Variants in PRRT1 observed in about 807,000 individuals in gnomAD.
PRRT1 encodes proline rich transmembrane protein 1.
PRRT1 carries 8 observed loss-of-function variants against 22.6 expected under a neutral mutation model. The observed-to-expected ratio is 0.35, with a 90% CI of 0.21 to 0.64. The LOEUF is 0.64. Among genes scored for constraint, PRRT1 ranks in the 30% least tolerant of loss-of-function variants. The pLI is 0.69. For missense variants in PRRT1, 315 were observed against 444.5 expected, an observed-to-expected ratio of 0.71 and a Z score of 2.62; for synonymous variants, 176 against 203.6, an observed-to-expected ratio of 0.86 and a Z score of 1.15.
At chr6:32,151,293 G>C in intron 1 of PRRT1, 1 of 483,438 alleles carries the variant, frequency 2.1e-6, no homozygotes, top group Non-Finnish European at 3.8e-6. Flanking sequence ...GTTAATATGT[G>C]CTCAATTCAA....
upstream of PRRT1, chr6:32,151,964 CGG>C: frequency 1.9e-5 from 2 of 107,896 alleles, no homozygotes; most frequent in Non-Finnish European, 1.7e-5. Context: ...GGGGGGGGGG[CGG>C]GGGGGGCGGG....
chr6:32,151,926 A>G lies in PRRT1; in HGVS notation c.-99T>C. On this transcript the variant is annotated 5_prime_UTR_variant, in exon 1 of 4. Transcript: ENST00000211413. Reference sequence around the variant, plus strand: ...TGGATGGCGCAGCCGGCAGCAGCGCAGAGATGGAGAGATGAAGGCAGCGGC... The same window carrying G: ...TGGATGGCGCAGCCGGCAGCAGCGCGGAGATGGAGAGATGAAGGCAGCGGC... The G allele has an allele frequency of 3.7e-6, 2 of 535,244 alleles. No homozygotes were observed. The highest frequency in any genetic ancestry group is 1.4e-5 in the South Asian group (1 of 69,694). 33.2% of individuals were successfully genotyped at this position (535,244 alleles called of 1,614,324 possible).
rs1377856904 is a variant in PRRT1 at position 32,151,194 on chromosome 6, C to CTA, written c.20-290_20-289dup. ...ATGCACCCAGCTCTCACCTGCAGACCTAATCCCCTCTCCTTTGCTATAGCT... is the reference window on the plus strand; with the variant it reads ...ATGCACCCAGCTCTCACCTGCAGACCTATAATCCCCTCTCCTTTGCTATAGCT... On this transcript the variant is annotated intron_variant, in intron 1 of 3. Transcript: ENST00000211413. The CTA allele has an allele frequency of 1.7e-5, 11 of 659,558 alleles. No individual in the cohort carries two copies. In the African/African-American group the frequency reaches 2.0e-4, roughly 12 times the overall value. The allele number at this position is 659,558 out of a possible 1,614,324, so 40.9% of individuals were successfully genotyped here.
upstream of PRRT1, chr6:32,151,983 G>GGGGGGGGGGGGGGGGGGGGGGGT: frequency 4.3e-6 from 1 of 234,270 alleles, no homozygotes; most frequent in Non-Finnish European, 8.6e-6. Context: ...CGGGCGGAGG[G>GGGGGGGGGGGGGGGGGGGGGGGT]AGAGCGGGGA....
upstream of PRRT1, chr6:32,152,698 G>A (rs1461337777): frequency 1.9e-5 from 3 of 156,660 alleles, no homozygotes; most frequent in Non-Finnish European, 4.2e-5. Flanking sequence ...AGGCTGCTTA[G>A]AGTCTCTGGG....
Position 32,150,549 on chromosome 6 carries a change from G to A in PRRT1, c.377C>T (p.Pro126Leu). 1 of 1,363,500 alleles carries A rather than the reference G, an allele frequency of 7.3e-7. No homozygotes were observed. Among genetic ancestry groups the A allele is most frequent in the Non-Finnish European group, 9.4e-7 (1 of 1,061,078 alleles). 84.5% of individuals were successfully genotyped at this position (1,363,500 alleles called of 1,614,324 possible). A position where few individuals can be genotyped will look rare whatever the true frequency, so the allele number is the denominator to read the frequency against. ...CGGGGGCGGGGCGGCGGCAGCGGGC[G>A]GCGGCGGGGGAAGTGGGCCCTCGAA... Reference protein sequence around the residue: ...TRFEGPLPPPPPAAAAPPPPA... With the variant: ...TRFEGPLPPPLPAAAAPPPPA... Residue 126 changes from proline (P) to leucine (L), a missense_variant, in exon 2 of 4, where the codon CCG becomes CTG. This residue lies in a region of PRRT1 where 263 missense variants were observed against 328.5 expected (regional missense o/e 0.80). Coordinates refer to ENST00000211413, the MANE Select transcript of PRRT1 (RefSeq NM_030651.4). The surrounding 1 kb of genome is among the most constrained non-coding windows in gnomAD (Gnocchi z 7.2).
Position 32,149,106 on chromosome 6 carries a change from C to G in PRRT1, c.*116G>C. 1 of 1,102,170 alleles carries G rather than the reference C, an allele frequency of 9.1e-7. No homozygotes were observed. Among genetic ancestry groups the G allele is most frequent in the Non-Finnish European group, 1.4e-6 (1 of 734,082 alleles). 68.3% of individuals were successfully genotyped at this position (1,102,170 alleles called of 1,614,324 possible). A position where few individuals can be genotyped will look rare whatever the true frequency, so the allele number is the denominator to read the frequency against. On this transcript the variant is annotated 3_prime_UTR_variant, in exon 4 of 4. Transcript: ENST00000211413. The surrounding 1 kb of genome is among the most constrained non-coding windows in gnomAD (Gnocchi z 8.7). Reference sequence around the variant, plus strand: ...CGTGGAGGCGGAGTTTACGATGTATCCAAGTCTGACGGCCCCAGAAACGGG... The same window carrying G: ...CGTGGAGGCGGAGTTTACGATGTATGCAAGTCTGACGGCCCCAGAAACGGG...
At position 32,150,961 on chromosome 6, in the gene PRRT1, T is replaced by G. The variant is rs1783236259; in HGVS notation, c.20-55A>C. 7.1e-7 allele frequency: 1 copy of G among 1,412,084 alleles called. No homozygotes were observed. The highest frequency in any genetic ancestry group is 1.2e-5 in the South Asian group (1 of 82,070). The allele number at this position is 1,412,084 out of a possible 1,614,324, so 87.5% of individuals were successfully genotyped here. A position where few individuals can be genotyped will look rare whatever the true frequency, so the allele number is the denominator to read the frequency against. On this transcript the variant is annotated intron_variant, in intron 1 of 3. Coordinates refer to ENST00000211413, the MANE Select transcript of PRRT1 (RefSeq NM_030651.4). This position sits in a 1 kb window ranked among gnomAD's most constrained non-coding sequence, Gnocchi z 7.2. ...GAGGAAAGATGACACAGTGATGAGT[T>G]GAGGAGGGGGTAAGGGGAAACACAG...
In PRRT1 at chr6:32,149,992, C is replaced by T. The variant is rs148478759; in HGVS notation, c.559-270G>A. 1,028 of 523,032 alleles carry T rather than the reference C, an allele frequency of 2.0e-3. 1 individual carries two copies. The highest frequency in any genetic ancestry group is 3.6e-3 in the Admixed American group (97 of 26,786). The allele number at this position is 523,032 out of a possible 1,614,324, so 32.4% of individuals were successfully genotyped here. A position where few individuals can be genotyped will look rare whatever the true frequency, so the allele number is the denominator to read the frequency against. On this transcript the variant is annotated intron_variant, in intron 2 of 3. Coordinates refer to ENST00000211413, the MANE Select transcript of PRRT1 (RefSeq NM_030651.4). This position sits in a 1 kb window ranked among gnomAD's most constrained non-coding sequence, Gnocchi z 8.7. ...GGGGCTGTCCTGGCCTCAGGTCAGA[C>T]CTTCTTTCTTCCCTCCAGACACCTA...
chr6:32,151,962 GGC>G (rs1554125390), upstream of PRRT1: 4 of 299,832 alleles, frequency 1.3e-5, no homozygotes, highest in African/African-American at 3.3e-5. Context: ...GGGGGGGGGG[GGC>G]GGGGGGGGCG....
rs1031769073 is a variant in PRRT1, at chr6:32,149,234, G to A, written c.909C>T (p.Tyr303=). 3.1e-6 allele frequency: 5 copies of A among 1,611,794 alleles called. No individual in the cohort carries two copies. The highest frequency in any genetic ancestry group is 4.2e-6 in the Non-Finnish European group (5 of 1,179,814). The stretch of plus-strand genomic sequence containing the variant: ...ACCAGGGGCGTTTTTAGGGATCCCA[G>A]TAGTTCTCGTGGTGCTGCGCGGCGA... ...IIIAAQHHEN[Y]WDP Residue 303 remains tyrosine (Y), a synonymous_variant, in exon 4 of 4, where the codon TAC becomes TAT. Coordinates refer to ENST00000211413, the MANE Select transcript of PRRT1 (RefSeq NM_030651.4). The surrounding 1 kb of genome is among the most constrained non-coding windows in gnomAD (Gnocchi z 8.7).
chr6:32,152,618 A>C (rs886899293), upstream of PRRT1, among the ~76,000 whole-genome samples: 5 of 151,988 alleles, frequency 3.3e-5, no homozygotes, highest in African/African-American at 1.2e-4. Context: ...AGGGGGTATG[A>C]CTTAACTGCT....
upstream of PRRT1, chr6:32,151,953 G>GA (rs1318432361): frequency 1.3e-4 from 23 of 183,462 alleles, 1 homozygote; most frequent in South Asian, 8.6e-4. Flanking sequence ...GGCAGCGGCG[G>GA]GGGGGGGGGG....
At position 32,150,120 on chromosome 6, in the gene PRRT1, ACCT is replaced by A. The variant is rs1783176342; in HGVS notation, c.558+245_558+247del. Among the ~76,000 whole-genome samples the A allele has an allele frequency of 1.3e-5, 2 of 148,214 alleles. No homozygotes were observed. Among genetic ancestry groups the A allele is most frequent in the Admixed American group, 1.3e-4 (2 of 14,926 alleles). On this transcript the variant is annotated intron_variant, in intron 2 of 3. Transcript: ENST00000211413. The surrounding 1 kb of genome is among the most constrained non-coding windows in gnomAD (Gnocchi z 7.2). ...CCGCCAGGCGGTTTCCTACTTTCAG[ACCT>A]CCTCTGAACCTCTAGGCTCCGATCC...
At position 32,148,536 on chromosome 6, in the gene PRRT1, A is replaced by G. The variant is rs55780254; in HGVS notation, c.*686T>C. The G allele has an allele frequency of 3.0e-6, 1 of 330,204 alleles. No individual in the cohort carries two copies. The highest frequency in any genetic ancestry group is 6.0e-6 in the Non-Finnish European group (1 of 165,326). 20.5% of individuals were successfully genotyped at this position (330,204 alleles called of 1,614,324 possible). A position where few individuals can be genotyped will look rare whatever the true frequency, so the allele number is the denominator to read the frequency against. The stretch of plus-strand genomic sequence containing the variant: ...GGGATGGGTGGAAGGGAGTATTTAC[A>G]GAGCGTTTACAGGCAGGTTTCTTAT... On this transcript the variant is annotated 3_prime_UTR_variant, in exon 4 of 4. Transcript: ENST00000211413. The surrounding 1 kb of genome is among the most constrained non-coding windows in gnomAD (Gnocchi z 5.7).
At chr6:32,152,716 A>G (rs1783410180), upstream of PRRT1, 1 of 154,148 alleles carries the variant, frequency 6.5e-6, no homozygotes, top group Non-Finnish European at 1.4e-5. Flanking sequence ...GGGCTGGTCA[A>G]TGTTCAGATC....
In PRRT1 at chr6:32,151,246, G is replaced by C. The variant is rs115921266; in HGVS notation, c.20-340C>G. 715 of 578,670 alleles carry C rather than the reference G, an allele frequency of 1.2e-3. 3 individuals are homozygous for C. The highest frequency in any genetic ancestry group is 0.012 in the African/African-American group (653 of 53,360). The allele number at this position is 578,670 out of a possible 1,614,324, so 35.8% of individuals were successfully genotyped here. ...CCTTTGGGCTGGCCTATCCGAGCTA[G>C]TCCTGTGTGTGCGTATGCGTAGACA... On this transcript the variant is annotated intron_variant, in intron 1 of 3. Coordinates refer to ENST00000211413, the MANE Select transcript of PRRT1 (RefSeq NM_030651.4).
rs144233583 is a variant in PRRT1 at position 32,151,116 on chromosome 6, C to G, written c.20-210G>C. The G allele has an allele frequency of 5.4e-5, 38 of 703,322 alleles. No homozygotes were observed. The Admixed American group carries it at 7.0e-4, about 13-fold the overall frequency. The allele number at this position is 703,322 out of a possible 1,614,324, so 43.6% of individuals were successfully genotyped here. A position where few individuals can be genotyped will look rare whatever the true frequency, so the allele number is the denominator to read the frequency against. On this transcript the variant is annotated intron_variant, in intron 1 of 3. Transcript: ENST00000211413. ...TGCCCCCCTCCTTCTTCCTTCCAAT[C>G]TAGTTTTGAGGTCACAACTCTGGTC...
At position 32,149,626 on chromosome 6, in the gene PRRT1, G is replaced by T. The variant is rs1486647327; in HGVS notation, c.655C>A (p.Pro219Thr). 1 of 1,612,980 alleles carries T rather than the reference G, an allele frequency of 6.2e-7. No homozygotes were observed. Among genetic ancestry groups the T allele is most frequent in the Non-Finnish European group, 8.5e-7 (1 of 1,179,984 alleles). ...PGLALLEPRRPPHDYMPIAVL... is the reference protein window; with the variant it reads ...PGLALLEPRRTPHDYMPIAVL... The stretch of plus-strand genomic sequence containing the variant: ...GCGATGGGCATGTAGTCGTGTGGCG[G>T]GCGCCTCGGCTCCAGTAGGGCCAGC... The change falls in exon 3 of 4, where the codon CCG becomes ACG. Residue 219 changes from proline (P) to threonine (T), a missense_variant. Transcript: ENST00000211413. This position sits in a 1 kb window ranked among gnomAD's most constrained non-coding sequence, Gnocchi z 8.7.
Sources: gnomAD v4.1 joint callset for allele counts (sites outside exome capture counted in the v4.1 genomes callset) on GRCh38, gnomAD v4.1.1 for gene constraint, gnomAD v4.1.1 regional missense constraint, Gnocchi (gnomAD v3.1) non-coding constraint, MANE v1.5 for transcripts, NCBI Gene and HGNC (gene_info 2026-07-23, HGNC 2026-07-21) for gene names.